CSMD1: variants seen among roughly 807,000 people sequenced by gnomAD.
CSMD1 encodes the protein CUB and sushi domain-containing protein 1.
In CSMD1, 213 loss-of-function variants were observed where a neutral mutation model predicts 417.5. The ratio of observed to expected loss-of-function variants is 0.51; its 90% CI spans 0.46 to 0.57. The LOEUF is 0.57. Among genes scored for constraint, CSMD1 ranks in the 20% least tolerant of loss-of-function variants. The pLI, the probability that CSMD1 is intolerant of heterozygous loss-of-function variation, is 0.00. For missense variants in CSMD1, 6,923 were observed against 4,529.7 expected (o/e 1.53, Z -15.17); for synonymous variants, 2,862 against 1,736.8 (o/e 1.65, Z -16.11).
At chr8:4,166,661 T>C (rs533693154) in intron 3 of CSMD1, among the ~76,000 whole-genome samples, 86 of 152,214 alleles carry the variant, frequency 5.6e-4, no homozygotes, top group African/African-American at 1.9e-3. Context: ...CCGTGTACAC[T>C]GCTGGGGTGA....
chr8:3,609,230 G>T (rs138805897), intron 8 of CSMD1, among the ~76,000 whole-genome samples: 1 of 152,158 alleles, frequency 6.6e-6, no homozygotes, highest in African/African-American at 2.4e-5. Context: ...TATCCTGTTA[G>T]CACAGAAAGA....
Position 3,348,106 on chromosome 8 carries a change from A to G in CSMD1, c.3360T>C (p.Phe1120=), listed in dbSNP as rs1808132763. ...GNEGTLLSPN[F]PSNYDNNHEC... is the part of the protein sequence containing the mutation. Reference sequence around the variant, plus strand: ...CATGGTTATTATCATAATTGGATGGAAAATTTGGAGACAGTAATGTTCCTT... The same window carrying G: ...CATGGTTATTATCATAATTGGATGGGAAATTTGGAGACAGTAATGTTCCTT... The change falls in exon 22 of 70, where the codon TTT becomes TTC. Residue 1120 remains phenylalanine, a synonymous_variant. Coordinates refer to ENST00000635120, the MANE Select transcript of CSMD1 (RefSeq NM_033225.6). 1 of 1,612,808 alleles carries G rather than the reference A, an allele frequency of 6.2e-7. No homozygotes were observed. The highest frequency in any genetic ancestry group is 8.5e-7 in the Non-Finnish European group (1 of 1,179,348).
chr8:4,140,050 G>C (rs1248491406), intron 3 of CSMD1, among the ~76,000 whole-genome samples: 6 of 150,866 alleles, frequency 4.0e-5, no homozygotes, highest in South Asian at 2.1e-4. Flanking sequence ...AGACACATTT[G>C]ATTATTAAAA....
chr8:3,842,979 T>A (rs1803233198), intron 5 of CSMD1, among the ~76,000 whole-genome samples: 1 of 152,218 alleles, frequency 6.6e-6, no homozygotes, highest in Non-Finnish European at 1.5e-5. Context: ...CTCAATTGTT[T>A]AGTTTGCTCA....
intron 8 of CSMD1, among the ~76,000 whole-genome samples, chr8:3,615,093 G>A (rs1466941418): frequency 1.3e-5 from 2 of 152,144 alleles, no homozygotes; most frequent in African/African-American, 4.8e-5. Flanking sequence ...TTTCTAATAT[G>A]ATACTGGAAA....
chr8:3,452,424 G>A (rs1225088257), intron 12 of CSMD1, among the ~76,000 whole-genome samples: 2 of 152,128 alleles, frequency 1.3e-5, no homozygotes, highest in African/African-American at 2.4e-5. Context: ...TCCAGTTTTT[G>A]CCCCTTCAGT....
intron 6 of CSMD1, among the ~76,000 whole-genome samples, chr8:3,752,569 A>C (rs557581496): frequency 6.7e-6 from 1 of 149,370 alleles, no homozygotes; most frequent in African/African-American, 2.5e-5. Context: ...CAGGAGAATC[A>C]CTTGAGCCCA....
intron 3 of CSMD1, among the ~76,000 whole-genome samples, chr8:4,146,593 C>CCTTTT (rs1208930261): frequency 5.5e-5 from 5 of 90,742 alleles, no homozygotes; most frequent in Non-Finnish European, 1.9e-5. Context: ...TATATGGACA[C>CCTTTT]ATTTTTTTTT....
At chr8:3,411,588 C>G (rs1002348055) in intron 12 of CSMD1, among the ~76,000 whole-genome samples, 1 of 151,038 alleles carries the variant, frequency 6.6e-6, no homozygotes, top group Non-Finnish European at 1.5e-5. Flanking sequence ...ATAATAGTCT[C>G]CAATCTCATC....
chr8:3,470,234 G>C (rs148408974), intron 11 of CSMD1, among the ~76,000 whole-genome samples: 3 of 151,970 alleles, frequency 2.0e-5, no homozygotes. Flanking sequence ...CATGATTTTG[G>C]TGAAATGTAT....
intron 3 of CSMD1, among the ~76,000 whole-genome samples, chr8:4,103,421 C>T (rs926737264): frequency 6.6e-6 from 1 of 151,116 alleles, no homozygotes; most frequent in African/African-American, 2.4e-5. Context: ...TAAACCTTGG[C>T]TTTTTTGTCT....
intron 23 of CSMD1, among the ~76,000 whole-genome samples, chr8:3,316,060 A>T (rs2117447836): frequency 6.6e-6 from 1 of 152,236 alleles, no homozygotes; most frequent in East Asian, 1.9e-4. Context: ...TCTGTTGAGG[A>T]TATTTAAAAC....
intron 41 of CSMD1, among the ~76,000 whole-genome samples, chr8:3,137,251 T>A (rs1818155727): frequency 6.6e-6 from 1 of 152,238 alleles, no homozygotes; most frequent in South Asian, 2.1e-4. Flanking sequence ...GCTAGCAATA[T>A]CCGCAATGCG....
intron 1 of CSMD1, among the ~76,000 whole-genome samples, chr8:4,657,386 CCTTT>C (rs1804299530): frequency 6.6e-6 from 1 of 152,290 alleles, no homozygotes; most frequent in African/African-American, 2.4e-5. Flanking sequence ...CCTCTCTTTT[CCTTT>C]CTTTCTTATT....
intron 3 of CSMD1, among the ~76,000 whole-genome samples, chr8:4,056,648 T>G (rs906316481): frequency 2.0e-5 from 3 of 152,002 alleles, no homozygotes; most frequent in Non-Finnish European, 4.4e-5. Context: ...ACTCATCATT[T>G]AGCATTAGGT....
At chr8:3,378,086 G>A (rs1458580302) in intron 18 of CSMD1, among the ~76,000 whole-genome samples, 1 of 152,152 alleles carries the variant, frequency 6.6e-6, no homozygotes, top group Non-Finnish European at 1.5e-5. Context: ...GAAGGGTATT[G>A]AATATTGGAT....
intron 1 of CSMD1, among the ~76,000 whole-genome samples, chr8:4,834,308 G>T (rs925827728): frequency 2.6e-5 from 4 of 152,038 alleles, no homozygotes; most frequent in Non-Finnish European, 5.9e-5. Context: ...TTACATACTG[G>T]GAACAGAAAA....
At chr8:3,341,711 G>T (rs12549126) in intron 23 of CSMD1, among the ~76,000 whole-genome samples, 1 of 151,998 alleles carries the variant, frequency 6.6e-6, no homozygotes, top group East Asian at 1.9e-4. Context: ...AATGTGTTCA[G>T]TGGCAAGAGA....
intron 1 of CSMD1, among the ~76,000 whole-genome samples, chr8:4,913,071 G>C (rs1374152727): frequency 6.6e-6 from 1 of 152,118 alleles, no homozygotes; most frequent in Non-Finnish European, 1.5e-5. Flanking sequence ...TTACAGGGGT[G>C]AGCCCCCACA....
Sources: allele counts gnomAD v4.1 joint callset (sites outside exome capture counted in the v4.1 genomes callset), GRCh38; gene constraint gnomAD v4.1.1; transcripts MANE v1.5; gene names NCBI Gene and HGNC (gene_info 2026-07-23, HGNC 2026-07-21).